Variants in MATCAP2 observed in about 807,000 individuals in gnomAD.
MATCAP2 encodes the protein microtubule associated tyrosine carboxypeptidase 2.
At chr7:36,345,904 C>G in the MATCAP2 span, among the ~76,000 whole-genome samples, 1 of 151,922 alleles carries the variant, frequency 6.6e-6, no homozygotes, top group African/African-American at 2.4e-5. Flanking sequence ...AAAAAGTGAC[C>G]CAAAGAATGG....
At chr7:36,335,405 T>G in the MATCAP2 span, among the ~76,000 whole-genome samples, 1 of 152,174 alleles carries the variant, frequency 6.6e-6, no homozygotes, top group African/African-American at 2.4e-5. Flanking sequence ...GGAAAGTAGA[T>G]GGCTGTGCTG....
the MATCAP2 span, among the ~76,000 whole-genome samples, chr7:36,344,576 C>T: frequency 4.6e-5 from 7 of 152,190 alleles, no homozygotes; most frequent in South Asian, 6.2e-4. Flanking sequence ...GTGCCTTCTA[C>T]TTTGGAATCT....
the MATCAP2 span, chr7:36,324,173 G>T: frequency 6.6e-6 from 1 of 152,068 alleles, no homozygotes; most frequent in African/African-American, 2.4e-5. Flanking sequence ...AAATATAATT[G>T]GGTTTTCAAA....
chr7:36,376,285 G>A, the MATCAP2 span, among the ~76,000 whole-genome samples: 1 of 152,204 alleles, frequency 6.6e-6, no homozygotes, highest in Non-Finnish European at 1.5e-5. Context: ...ATTCTGGTAT[G>A]TTGTGTCTTT....
chr7:36,330,167 C>T, the MATCAP2 span, among the ~76,000 whole-genome samples: 26 of 151,890 alleles, frequency 1.7e-4, 1 homozygote, highest in African/African-American at 5.1e-4. Context: ...TCCACTGCAG[C>T]CTCGACCTCC....
the MATCAP2 span, chr7:36,389,694 G>A: frequency 3.0e-5 from 8 of 265,758 alleles, no homozygotes; most frequent in East Asian, 5.5e-4. Context: ...ACCCCGCGGC[G>A]AGGGCTGGGA....
At chr7:36,387,359 T>A in the MATCAP2 span, among the ~76,000 whole-genome samples, 1 of 152,138 alleles carries the variant, frequency 6.6e-6, no homozygotes, top group African/African-American at 2.4e-5. Context: ...TTAAGCTAGG[T>A]GGCTGGTATA....
At chr7:36,348,735 G>T in the MATCAP2 span, among the ~76,000 whole-genome samples, 1 of 152,140 alleles carries the variant, frequency 6.6e-6, no homozygotes, top group African/African-American at 2.4e-5. Flanking sequence ...TATAAATAAA[G>T]TATTGTGAGA....
At chr7:36,367,035 T>C in the MATCAP2 span, 1 of 1,275,394 alleles carries the variant, frequency 7.8e-7, no homozygotes, top group Non-Finnish European at 9.8e-7. Flanking sequence ...CGGGCCTCGG[T>C]GGCGGGGGCG....
the MATCAP2 span, chr7:36,390,350 G>A: frequency 2.3e-6 from 1 of 434,592 alleles, no homozygotes. Flanking sequence ...TCCTGGCGCA[G>A]CAAGAGTGAG....
At chr7:36,356,916 G>A in the MATCAP2 span, 4 of 1,613,926 alleles carry the variant, frequency 2.5e-6, no homozygotes, top group East Asian at 6.7e-5. Flanking sequence ...TTAAGAAATC[G>A]GTCAGATGCG....
At chr7:36,371,693 G>A in the MATCAP2 span, among the ~76,000 whole-genome samples, 1 of 152,282 alleles carries the variant, frequency 6.6e-6, no homozygotes, top group East Asian at 1.9e-4. Flanking sequence ...AGATGGTAAA[G>A]CATGGACAAG....
the MATCAP2 span, among the ~76,000 whole-genome samples, chr7:36,331,942 TG>T: frequency 6.6e-6 from 1 of 152,194 alleles, no homozygotes; most frequent in Non-Finnish European, 1.5e-5. Context: ...GAAATATTTA[TG>T]GGTAAAAGGA....
At chr7:36,333,138 G>A in the MATCAP2 span, among the ~76,000 whole-genome samples, 2 of 152,158 alleles carry the variant, frequency 1.3e-5, no homozygotes, top group Non-Finnish European at 2.9e-5. Context: ...GGATCTCCCA[G>A]CACAGTGCTC....
the MATCAP2 span, among the ~76,000 whole-genome samples, chr7:36,351,269 G>A: frequency 6.6e-6 from 1 of 152,166 alleles, no homozygotes; most frequent in African/African-American, 2.4e-5. Context: ...GGTAGCCCGT[G>A]CCTATAGTCC....
chr7:36,333,825 G>C, the MATCAP2 span: 1 of 1,527,932 alleles, frequency 6.5e-7, no homozygotes, highest in Non-Finnish European at 8.8e-7. Flanking sequence ...TAGTCAGTAA[G>C]TCAGAAAACC....
chr7:36,376,548 T>C, the MATCAP2 span, among the ~76,000 whole-genome samples: 8 of 152,266 alleles, frequency 5.3e-5, no homozygotes, highest in Non-Finnish European at 2.9e-5. Flanking sequence ...AATGCGGTGC[T>C]GAGAAGAATG....
chr7:36,340,494 C>T, the MATCAP2 span, among the ~76,000 whole-genome samples: 3 of 152,094 alleles, frequency 2.0e-5, no homozygotes, highest in Non-Finnish European at 2.9e-5. Context: ...ACCACCATAG[C>T]GTCAACACTT....
chr7:36,358,184 T>C, the MATCAP2 span, among the ~76,000 whole-genome samples: 1 of 150,872 alleles, frequency 6.6e-6, no homozygotes, highest in East Asian at 1.9e-4. Flanking sequence ...GGTGACAGAG[T>C]GAGACCCTAT....
Sources: gnomAD v4.1 joint callset for allele counts (sites outside exome capture counted in the v4.1 genomes callset) on GRCh38, gnomAD v4.1.1 for gene constraint, MANE v1.5 for transcripts, NCBI Gene and HGNC (gene_info 2026-07-23, HGNC 2026-07-21) for gene names.